TTLL5: variants seen among roughly 807,000 people sequenced by gnomAD.
TTLL5 encodes the protein tubulin tyrosine ligase like 5.
In TTLL5, 132 loss-of-function variants were observed where a neutral mutation model predicts 168.4. The ratio of observed to expected loss-of-function variants is 0.78; its 90% CI spans 0.68 to 0.91. The LOEUF (loss-of-function observed/expected upper bound fraction) is 0.91. TTLL5 is among the 40% of genes least tolerant of loss of function. The pLI is 0.00. For missense variants in TTLL5, 1,545 were observed against 1,581.5 expected (o/e 0.98, Z 0.39); for synonymous variants, 546 against 558.6 (o/e 0.98, Z 0.32).
chr14:75,819,233 GTATCAAAGTATACAAATATTGTAA>G (rs1384855437), intron 27 of TTLL5, among the ~76,000 whole-genome samples: 1 of 152,174 alleles, frequency 6.6e-6, no homozygotes, highest in Non-Finnish European at 1.5e-5. Context: ...CTAGATTGTA[GTATCAAAGTATACAAATATTGTAA>G]TATATTTTAA....
In TTLL5 at chr14:75,661,998, G is replaced by A. The variant is rs1247328743; in HGVS notation, c.-96+611G>A. Among the ~76,000 whole-genome samples the A allele has an allele frequency of 3.3e-5, 5 of 152,130 alleles. No homozygotes were observed. The East Asian group carries it at 9.7e-4, about 29-fold the overall frequency. On this transcript the variant is annotated intron_variant, in intron 1 of 31. Coordinates refer to ENST00000298832, the MANE Select transcript of TTLL5 (RefSeq NM_015072.5). ...TCATTTAAACATGTTTCTTTTATTTGTAGTTCCTATTTCTTCTTCTGACAC... is the reference window on the plus strand; with the variant it reads ...TCATTTAAACATGTTTCTTTTATTTATAGTTCCTATTTCTTCTTCTGACAC...
chr14:75,771,093 A>G (rs951870583), intron 20 of TTLL5, among the ~76,000 whole-genome samples: 1 of 152,190 alleles, frequency 6.6e-6, no homozygotes, highest in African/African-American at 2.4e-5. Context: ...AAGATTGAGT[A>G]CTTCTCCTGT....
intron 9 of TTLL5, among the ~76,000 whole-genome samples, chr14:75,715,243 C>T (rs1026298943): frequency 1.3e-5 from 2 of 150,898 alleles, no homozygotes; most frequent in African/African-American, 2.4e-5. Context: ...TGGCTGACTT[C>T]CCACCCTACT....
At chr14:75,725,036 A>C (rs1301070358) in intron 12 of TTLL5, among the ~76,000 whole-genome samples, 1 of 152,144 alleles carries the variant, frequency 6.6e-6, no homozygotes, top group Admixed American at 6.5e-5. Flanking sequence ...CATGGGGACA[A>C]GTTGTGGAGC....
rs114768315 is a variant in TTLL5, at chr14:75,904,430, A to G, written c.3823+2206A>G. Among the ~76,000 whole-genome samples, 815 of 152,192 alleles carry G rather than the reference A, an allele frequency of 5.4e-3. 10 individuals carry two copies. The highest frequency in any genetic ancestry group is 0.018 in the African/African-American group (763 of 41,510). ...CACAAACCCAAGGAGTTCCCTGACT[A>G]TACTTCATTTGCGTGTCTGATTGAT... On this transcript the variant is annotated intron_variant, in intron 31 of 31. Transcript: ENST00000298832.
At chr14:75,937,456 T>A (rs1264435245) in intron 31 of TTLL5, among the ~76,000 whole-genome samples, 1 of 152,030 alleles carries the variant, frequency 6.6e-6, no homozygotes, top group Non-Finnish European at 1.5e-5. Flanking sequence ...ATCACCACCG[T>A]TCACCTCCAG....
intron 31 of TTLL5, among the ~76,000 whole-genome samples, chr14:75,903,810 A>C (rs2033027705): frequency 6.6e-6 from 1 of 151,558 alleles, no homozygotes; most frequent in Non-Finnish European, 1.5e-5. Flanking sequence ...TGGGAGGATC[A>C]CTTGAGCCCA....
At chr14:75,884,719 A>T (rs2032008623) in intron 30 of TTLL5, among the ~76,000 whole-genome samples, 1 of 152,168 alleles carries the variant, frequency 6.6e-6, no homozygotes, top group Non-Finnish European at 1.5e-5. Context: ...ACTAATAAAG[A>T]CTTGAACATT....
At chr14:75,794,175 T>C (rs913147793) in intron 27 of TTLL5, among the ~76,000 whole-genome samples, 2 of 152,196 alleles carry the variant, frequency 1.3e-5, no homozygotes, top group African/African-American at 4.8e-5. Context: ...TAAGAAGGCC[T>C]AATGTGAAAT....
intron 31 of TTLL5, among the ~76,000 whole-genome samples, chr14:75,933,258 A>G (rs904902815): frequency 6.6e-6 from 1 of 152,162 alleles, no homozygotes; most frequent in Non-Finnish European, 1.5e-5. Context: ...GGAGTTCCAG[A>G]CCAGCCTGGA....
intron 3 of TTLL5, among the ~76,000 whole-genome samples, chr14:75,675,661 C>G (rs1014797480): frequency 6.6e-6 from 1 of 152,136 alleles, no homozygotes; most frequent in African/African-American, 2.4e-5. Context: ...TGAGGTGGTT[C>G]TTTCTTAGGC....
intron 31 of TTLL5, among the ~76,000 whole-genome samples, chr14:75,930,969 A>G (rs1195509572): frequency 6.6e-6 from 1 of 152,146 alleles, no homozygotes; most frequent in Non-Finnish European, 1.5e-5. Context: ...CTTCCTGATA[A>G]AGCTCCCCAT....
At chr14:75,869,821 A>ATTTTGTTTTTTT (rs2030864662) in intron 29 of TTLL5, among the ~76,000 whole-genome samples, 2 of 82,416 alleles carry the variant, frequency 2.4e-5, no homozygotes, top group African/African-American at 1.0e-4. Flanking sequence ...TTCAACAAGT[A>ATTTTGTTTTTTT]TTTTTTTTTT....
chr14:75,664,658 T>C (rs1226412545), intron 2 of TTLL5, among the ~76,000 whole-genome samples: 1 of 152,256 alleles, frequency 6.6e-6, no homozygotes, highest in African/African-American at 2.4e-5. Flanking sequence ...TGTTAGGTCA[T>C]AGAAACTAAT....
chr14:75,812,868 G>A (rs1894136208), intron 27 of TTLL5, among the ~76,000 whole-genome samples: 1 of 152,100 alleles, frequency 6.6e-6, no homozygotes, highest in South Asian at 2.1e-4. Context: ...GCTGGGGCTG[G>A]GGCTGGGGCT....
rs1392147107 is a variant in TTLL5, at chr14:75,681,623, A to G, written c.260A>G (p.His87Arg). 4.2e-5 allele frequency: 68 copies of G among 1,612,846 alleles called. No homozygotes were observed. Among genetic ancestry groups the G allele is most frequent in the Non-Finnish European group, 5.6e-5 (66 of 1,179,662 alleles). ...AGCATTCTGACAGCCCATGGATTTC[A>G]TGAAGTAAGTTTATTTTTAATACCT... ...VRSILTAHGF[H>R]EVHPSSTDYN... The change falls in exon 4 of 32, where the codon CAT (histidine) becomes CGT (arginine). Residue 87 changes from histidine (H) to arginine (R), a missense_variant. By Grantham distance (29) the His-to-Arg change is conservative. Transcript: ENST00000298832.
intron 27 of TTLL5, among the ~76,000 whole-genome samples, chr14:75,804,413 A>C (rs1319551346): frequency 6.6e-6 from 1 of 152,248 alleles, no homozygotes; most frequent in Non-Finnish European, 1.5e-5. Context: ...CAGAAATTCC[A>C]AATGAAGAGA....
intron 3 of TTLL5, among the ~76,000 whole-genome samples, chr14:75,675,673 G>T (rs1884089273): frequency 6.6e-6 from 1 of 152,206 alleles, no homozygotes; most frequent in Non-Finnish European, 1.5e-5. Context: ...TTCTTAGGCA[G>T]TTGGGCAGCT....
chr14:75,725,855 C>G (rs1007502261), intron 12 of TTLL5, among the ~76,000 whole-genome samples: 3 of 152,208 alleles, frequency 2.0e-5, no homozygotes, highest in African/African-American at 7.2e-5. Context: ...ATATTGATTT[C>G]TTGGACTAGT....
Sources: allele counts gnomAD v4.1 joint callset (sites outside exome capture counted in the v4.1 genomes callset), GRCh38; gene constraint gnomAD v4.1.1; transcripts MANE v1.5; gene names NCBI Gene and HGNC (gene_info 2026-07-23, HGNC 2026-07-21).